Variants in ADGRL1 observed in about 807,000 individuals in gnomAD.
ADGRL1 encodes the protein adhesion G protein-coupled receptor L1.
In ADGRL1, 31 loss-of-function variants were observed where a neutral mutation model predicts 148.9. The ratio of observed to expected loss-of-function variants is 0.21; its 90% CI spans 0.16 to 0.28. The LOEUF is 0.28. Ranked by LOEUF, ADGRL1 falls within the 10% of genes least tolerant of loss-of-function variation. ADGRL1 has a pLI of 1.00. For synonymous variants in ADGRL1, 937 were observed against 900.3 expected, an observed-to-expected ratio of 1.04 and a Z score of -0.73; for missense variants, 1,521 against 2,058.8, an observed-to-expected ratio of 0.74 and a Z score of 5.05.
chr19:14,200,210 A>G (rs968868903), intron 1 of ADGRL1, among the ~76,000 whole-genome samples: 2 of 152,222 alleles, frequency 1.3e-5, no homozygotes, highest in Non-Finnish European at 2.9e-5. Context: ...GACCGTGCCT[A>G]TATGTTTGAA....
intron 22 of ADGRL1, 42 bp from the exon 23 acceptor site, chr19:14,151,657 T>C (rs761930776): frequency 6.5e-7 from 1 of 1,534,468 alleles, no homozygotes; most frequent in South Asian, 1.2e-5. Flanking sequence ...AGAGGGGCCC[T>C]GGATGCACTA....
At position 14,170,944 on chromosome 19, in the gene ADGRL1, C is replaced by T. The variant is rs977590774; in HGVS notation, c.285-153G>A. On this transcript the variant is annotated intron_variant, in intron 3 of 22. Coordinates refer to ENST00000361434, the MANE Select transcript of ADGRL1 (RefSeq NM_014921.5). ...CAAGTGATATAGTTTGGATCTGTGT[C>T]CATACCCAAATCTCATGTTGAATTG... 6.9e-6 allele frequency: 4 copies of T among 583,586 alleles called. No individual in the cohort carries two copies. The African/African-American group carries it at 7.5e-5, about 11-fold the overall frequency. The allele number at this position is 583,586 out of a possible 1,614,324, so 36.2% of individuals were successfully genotyped here.
rs750909888 is a variant in ADGRL1, at chr19:14,163,315, C to T, written c.486G>A (p.Pro162=). The T allele has an allele frequency of 7.6e-5, 122 of 1,613,098 alleles. No homozygotes were observed. Among genetic ancestry groups the T allele is most frequent in the Non-Finnish European group, 9.4e-5 (111 of 1,179,876 alleles). The change falls in exon 5 of 23, where the codon CCG becomes CCA. Residue 162 remains proline (P), a synonymous_variant. Coordinates refer to ENST00000361434, the MANE Select transcript of ADGRL1 (RefSeq NM_014921.5). The part of the protein sequence containing the change: ...EHQSGAWCKD[P]LQAGDRIYVM... ...CGTAGATGCGGTCACCCGCCTGCAGCGGGTCCTTGCACCATGCGCCAGACT... is the reference window on the plus strand; with the variant it reads ...CGTAGATGCGGTCACCCGCCTGCAGTGGGTCCTTGCACCATGCGCCAGACT...
At chr19:14,156,086 G>C in intron 17 of ADGRL1, 24 bp downstream of exon 17, 1 of 1,588,176 alleles carries the variant, frequency 6.3e-7, no homozygotes, top group Non-Finnish European at 8.6e-7. Context: ...GATGGGGCAG[G>C]GGGCAGGCAG....
At chr19:14,178,877 G>A (rs112127001) in intron 2 of ADGRL1, among the ~76,000 whole-genome samples, 1 of 152,170 alleles carries the variant, frequency 6.6e-6, no homozygotes, top group Non-Finnish European at 1.5e-5. Context: ...GGAGCAGGCG[G>A]CCATCTATCT....
At chr19:14,191,872 T>A (rs892247927) in intron 1 of ADGRL1, among the ~76,000 whole-genome samples, 4 of 152,068 alleles carry the variant, frequency 2.6e-5, no homozygotes, top group Non-Finnish European at 5.9e-5. Context: ...CTTTTTCGAT[T>A]TTTTTTGTAG....
At chr19:14,154,361 G>A (rs2144635873) in intron 18 of ADGRL1, among the ~76,000 whole-genome samples, 1 of 152,314 alleles carries the variant, frequency 6.6e-6, no homozygotes, top group South Asian at 2.1e-4. Context: ...TGCCAGGACT[G>A]ACTCTACAAA....
At chr19:14,185,065 G>A (rs1971499822) in intron 1 of ADGRL1, among the ~76,000 whole-genome samples, 1 of 152,094 alleles carries the variant, frequency 6.6e-6, no homozygotes, top group Non-Finnish European at 1.5e-5. Flanking sequence ...TTACAGGAGT[G>A]AGCCACTGTG....
intron 1 of ADGRL1, among the ~76,000 whole-genome samples, chr19:14,187,074 G>A (rs1248059597): frequency 1.1e-4 from 17 of 152,166 alleles, no homozygotes; most frequent in African/African-American, 3.1e-4. Flanking sequence ...ACGGTGGCCC[G>A]TGCCTGTAAT....
At chr19:14,186,172 C>T (rs1568620497) in intron 1 of ADGRL1, among the ~76,000 whole-genome samples, 1 of 152,190 alleles carries the variant, frequency 6.6e-6, no homozygotes, top group Non-Finnish European at 1.5e-5. Context: ...GATCCTCCCG[C>T]CTCGGCCTCC....
Position 14,156,603 on chromosome 19 carries a change from A to G in ADGRL1, c.3033+55T>C, listed in dbSNP as rs1039634245. On this transcript the variant is annotated intron_variant, in intron 16 of 22. Coordinates refer to ENST00000361434, the MANE Select transcript of ADGRL1 (RefSeq NM_014921.5). The stretch of plus-strand genomic sequence containing the variant: ...GGGGCGGGGGCAGGGGCTGGGGTCA[A>G]GGCCAGCCTGGATGAAGGAAGATGT... 12 of 1,477,878 alleles carry G rather than the reference A, an allele frequency of 8.1e-6. No individual in the cohort carries two copies. In the African/African-American group the frequency reaches 1.3e-4, roughly 16 times the overall value. 91.5% of individuals were successfully genotyped at this position (1,477,878 alleles called of 1,614,324 possible).
At chr19:14,184,806 A>AT (rs964628272) in intron 1 of ADGRL1, among the ~76,000 whole-genome samples, 1 of 151,444 alleles carries the variant, frequency 6.6e-6, no homozygotes, top group Non-Finnish European at 1.5e-5. Context: ...CGCCCGGCTA[A>AT]TTTTTTGTAT....
Position 14,161,744 on chromosome 19 carries a change from T to G in ADGRL1, c.1196-118A>C, listed in dbSNP as rs1969408335. The stretch of plus-strand genomic sequence containing the variant: ...CCTCATCTACTGAAGTGGAAACACG[T>G]GCCGGGCCCCACTGGGTCTATGAGT... On this transcript the variant is annotated intron_variant, in intron 5 of 22. Coordinates refer to ENST00000361434, the MANE Select transcript of ADGRL1 (RefSeq NM_014921.5). The surrounding 1 kb of genome is among the most constrained non-coding windows in gnomAD (Gnocchi z 4.4). 3 of 724,132 alleles carry G rather than the reference T, an allele frequency of 4.1e-6. No individual in the cohort carries two copies. Among genetic ancestry groups the G allele is most frequent in the Non-Finnish European group, 5.9e-6 (3 of 504,884 alleles). 44.9% of individuals were successfully genotyped at this position (724,132 alleles called of 1,614,324 possible).
chr19:14,170,955 T>C (rs1420861942), intron 3 of ADGRL1, 164 bp from the exon 4 acceptor site: 2 of 573,148 alleles, frequency 3.5e-6, no homozygotes, highest in Non-Finnish European at 6.3e-6. Flanking sequence ...CATACCCAAA[T>C]CTCATGTTGA....
rs577662593 is a variant in ADGRL1, at chr19:14,158,276, A to G, written c.2364+62T>C. 2.7e-5 allele frequency: 41 copies of G among 1,540,966 alleles called. No individual in the cohort carries two copies. In the African/African-American group the frequency reaches 5.4e-4, roughly 20 times the overall value. On this transcript the variant is annotated intron_variant, in intron 12 of 22. Transcript: ENST00000361434. The stretch of plus-strand genomic sequence containing the variant: ...GGTGAGCACATGGAGGGGCAGGTAC[A>G]CAGCCTGGGAACACAGAGGGTACAG...
At position 14,154,124 on chromosome 19, in the gene ADGRL1, G is replaced by C. The variant is rs199954411; in HGVS notation, c.3295-1212C>G. ...AGACCATAGGGGCCTGGGGTCCCCT[G>C]AAAGGACATTGCTGCCACTGCGTGT... On this transcript the variant is annotated intron_variant, in intron 18 of 22. Coordinates refer to ENST00000361434, the MANE Select transcript of ADGRL1 (RefSeq NM_014921.5). 1.3e-4 allele frequency among the ~76,000 whole-genome samples: 20 copies of C among 152,228 alleles called. No individual in the cohort carries two copies. In the East Asian group the frequency reaches 3.5e-3, roughly 26 times the overall value.
intron 2 of ADGRL1, among the ~76,000 whole-genome samples, chr19:14,182,639 C>T (rs1411270164): frequency 1.3e-5 from 2 of 152,192 alleles, no homozygotes; most frequent in Admixed American, 1.3e-4. Context: ...TTTTAGCCTT[C>T]CCGGGCTTGG....
In ADGRL1 at chr19:14,147,803, T is replaced by C. The variant is rs1266140793; in HGVS notation, c.*3070A>G. 6.6e-6 allele frequency: 1 copy of C among 152,528 alleles called. No homozygotes were observed. Among genetic ancestry groups the C allele is most frequent in the Non-Finnish European group, 1.5e-5 (1 of 68,026 alleles). The allele number at this position is 152,528 out of a possible 1,614,324, so 9.4% of individuals were successfully genotyped here. The stretch of plus-strand genomic sequence containing the variant: ...TTTGACTCAACAATTTTTTTAAAAC[T>C]TTTTGTTTTTTTCTGAAACGTTCTT... On this transcript the variant is annotated 3_prime_UTR_variant, in exon 23 of 23. Transcript: ENST00000361434.
chr19:14,179,507 T>C (rs1971048111), intron 2 of ADGRL1, among the ~76,000 whole-genome samples: 2 of 151,610 alleles, frequency 1.3e-5, no homozygotes, highest in Admixed American at 6.6e-5. Flanking sequence ...AACAAACAAA[T>C]AAATGCCAAG....
Sources: gnomAD v4.1 joint callset for allele counts (sites outside exome capture counted in the v4.1 genomes callset) on GRCh38, gnomAD v4.1.1 for gene constraint, Gnocchi (gnomAD v3.1) non-coding constraint, MANE v1.5 for transcripts, NCBI Gene and HGNC (gene_info 2026-07-23, HGNC 2026-07-21) for gene names.